KLHDC4: variants seen among roughly 807,000 people sequenced by gnomAD.
KLHDC4 encodes the protein kelch domain containing 4.
KLHDC4 carries 90 observed loss-of-function variants against 62.4 expected under a neutral mutation model. The ratio of observed to expected loss-of-function variants is 1.44; its 90% CI spans 1.22 to 1.72. The LOEUF (loss-of-function observed/expected upper bound fraction) is 1.72. Ranked by LOEUF, KLHDC4 falls within the 40% of genes most tolerant of loss-of-function variation. The probability of loss-of-function intolerance (pLI) is 0.00; values close to 1 mark genes in which losing one functional copy is unlikely to be tolerated. For synonymous variants in KLHDC4, 386 were observed against 284.4 expected (o/e 1.36, Z -3.59); for missense variants, 1,025 against 699.7 (o/e 1.47, Z -5.25).
chr16:87,729,695 C>G (rs1430592855), intron 6 of KLHDC4, among the ~76,000 whole-genome samples: 1 of 152,232 alleles, frequency 6.6e-6, no homozygotes, highest in Admixed American at 6.5e-5. Context: ...AAAAGAGAAC[C>G]GCAGGCCTCT....
intron 4 of KLHDC4, chr16:87,750,100 G>A (rs1363998503): frequency 2.6e-5 from 4 of 152,200 alleles, no homozygotes; most frequent in African/African-American, 9.7e-5. Context: ...CTCCCTCTCA[G>A]GGCCCCCAAG....
chr16:87,727,982 T>G lies in KLHDC4; in HGVS notation c.600-1058A>C, dbSNP rs533594952. On this transcript the variant is annotated intron_variant, in intron 6 of 11. Transcript: ENST00000270583. Reference sequence around the variant, plus strand: ...AGGTAGATCACTTGAGGCGAGGAGTTCAAAAACAGCCTGGACAATATGGTG... The same window carrying G: ...AGGTAGATCACTTGAGGCGAGGAGTGCAAAAACAGCCTGGACAATATGGTG... 1.9e-4 allele frequency among the ~76,000 whole-genome samples: 29 copies of G among 152,114 alleles called. No individual in the cohort carries two copies. The South Asian group carries it at 5.8e-3, about 30-fold the overall frequency.
chr16:87,758,505 A>G (rs2045345035), intron 2 of KLHDC4, among the ~76,000 whole-genome samples: 1 of 152,226 alleles, frequency 6.6e-6, no homozygotes. Flanking sequence ...GCCAATTCAC[A>G]GTGACAGAAA....
At chr16:87,724,698 G>C (rs1057418872) in intron 7 of KLHDC4, among the ~76,000 whole-genome samples, 1 of 152,110 alleles carries the variant, frequency 6.6e-6, no homozygotes, top group East Asian at 1.9e-4. Flanking sequence ...TATGAACAGG[G>C]GGCAACTGGA....
chr16:87,730,123 T>G (rs2040082720), intron 6 of KLHDC4, among the ~76,000 whole-genome samples: 1 of 152,050 alleles, frequency 6.6e-6, no homozygotes, highest in Non-Finnish European at 1.5e-5. Context: ...CTGGCCAATT[T>G]TTGTATTTTT....
At chr16:87,762,125 T>G in intron 1 of KLHDC4, 85 bp from the exon 2 acceptor site, 2 of 1,574,544 alleles carry the variant, frequency 1.3e-6, no homozygotes, top group Admixed American at 1.9e-5. Context: ...CTCCAATCAG[T>G]GTGATTCGAC....
intron 5 of KLHDC4, among the ~76,000 whole-genome samples, chr16:87,744,397 G>C (rs1167438926): frequency 1.4e-5 from 2 of 144,588 alleles, no homozygotes; most frequent in African/African-American, 2.6e-5. Flanking sequence ...CCTGGGCGAC[G>C]AGAATGAGAC....
At chr16:87,718,000 G>A (rs931575789) in intron 7 of KLHDC4, among the ~76,000 whole-genome samples, 2 of 152,142 alleles carry the variant, frequency 1.3e-5, no homozygotes, top group African/African-American at 4.8e-5. Flanking sequence ...CTGCTCACAC[G>A]GGTCCACAGG....
chr16:87,731,691 G>C (rs1279886314), intron 5 of KLHDC4, among the ~76,000 whole-genome samples: 1 of 152,062 alleles, frequency 6.6e-6, no homozygotes, highest in Non-Finnish European at 1.5e-5. Flanking sequence ...GCACAGCTTA[G>C]CAATCTGACA....
intron 9 of KLHDC4, chr16:87,710,101 C>T (rs961224208): frequency 6.5e-5 from 11 of 168,544 alleles, no homozygotes; most frequent in South Asian, 1.7e-4. Context: ...GCAAGACAGA[C>T]GGTCAGGCCC....
At chr16:87,727,273 G>A (rs1424770598) in intron 6 of KLHDC4, among the ~76,000 whole-genome samples, 1 of 152,196 alleles carries the variant, frequency 6.6e-6, no homozygotes, top group Non-Finnish European at 1.5e-5. Flanking sequence ...CTGGCCCACA[G>A]AGGCAGAGGA....
exon 1 of KLHDC4, chr16:87,700,603 G>C (rs1261066536): frequency 5.0e-6 from 1 of 200,608 alleles, no homozygotes. Context: ...GAGAAGAGGT[G>C]GAGGGAGGAA....
At chr16:87,717,588 C>G (rs910293146) in intron 7 of KLHDC4, among the ~76,000 whole-genome samples, 8 of 152,230 alleles carry the variant, frequency 5.3e-5, no homozygotes, top group African/African-American at 1.9e-4. Context: ...TCCAGTGATG[C>G]AGTTTCTGCA....
downstream of KLHDC4, among the ~76,000 whole-genome samples, chr16:87,704,212 G>C (rs1369870186): frequency 6.6e-6 from 1 of 152,242 alleles, no homozygotes; most frequent in Non-Finnish European, 1.5e-5. Context: ...CTCGTCACCT[G>C]AACGACACGT....
intron 7 of KLHDC4, among the ~76,000 whole-genome samples, chr16:87,722,787 T>C (rs963444260): frequency 6.6e-6 from 1 of 152,198 alleles, no homozygotes; most frequent in Middle Eastern, 3.2e-3. Flanking sequence ...TGCACTGTGG[T>C]GTGATCCTGA....
In KLHDC4 at chr16:87,712,174, C is replaced by T. The variant is rs376635597; in HGVS notation, c.836-731G>A. ...GAAGGGTCTATGTTCTCTCTTGGCA[C>T]GCGCCTATGTGATGTGCCAACCCTC... On this transcript the variant is annotated intron_variant, in intron 8 of 11. Coordinates refer to ENST00000270583, the MANE Select transcript of KLHDC4 (RefSeq NM_017566.4). Among the ~76,000 whole-genome samples, 13 of 152,326 alleles carry T rather than the reference C, an allele frequency of 8.5e-5. No homozygotes were observed. The South Asian group carries it at 1.9e-3, about 22-fold the overall frequency.
exon 1 of KLHDC4, chr16:87,700,859 G>T: frequency 3.9e-6 from 1 of 257,446 alleles, no homozygotes; most frequent in South Asian, 3.4e-5. Flanking sequence ...AGGTTGGAGG[G>T]TGGAGGGAGG....
rs1373752970 is a variant in KLHDC4, at chr16:87,707,889, T to C, written c.*188A>G. On this transcript the variant is annotated 3_prime_UTR_variant, in exon 12 of 12. Coordinates refer to ENST00000270583, the MANE Select transcript of KLHDC4 (RefSeq NM_017566.4). ...CCACCTGCACTGCACTCAGTTGAACTTCCGGCCCAGTGCCGCGTCAGAGAC... is the reference window on the plus strand; with the variant it reads ...CCACCTGCACTGCACTCAGTTGAACCTCCGGCCCAGTGCCGCGTCAGAGAC... 2.2e-6 allele frequency: 1 copy of C among 452,584 alleles called. No homozygotes were observed. Among genetic ancestry groups the C allele is most frequent in the Non-Finnish European group, 4.5e-6 (1 of 224,230 alleles). 28.0% of individuals were successfully genotyped at this position (452,584 alleles called of 1,614,324 possible).
chr16:87,701,755 T>G (rs1257522794), exon 1 of KLHDC4: 4 of 456,616 alleles, frequency 8.8e-6, no homozygotes, highest in Non-Finnish European at 1.8e-5. Flanking sequence ...CCGCCCGTCC[T>G]CCCAAGCGTG....
Sources: allele counts gnomAD v4.1 joint callset (sites outside exome capture counted in the v4.1 genomes callset), GRCh38; gene constraint gnomAD v4.1.1; transcripts MANE v1.5; gene names NCBI Gene and HGNC (gene_info 2026-07-23, HGNC 2026-07-21).